Variants in NBEA observed in about 807,000 individuals in gnomAD.
The protein encoded by NBEA is lysosomal-trafficking regulator 2.
NBEA carries 44 observed loss-of-function variants against 343.4 expected under a neutral mutation model. The observed-to-expected ratio is 0.13, with a 90% CI of 0.10 to 0.16. The LOEUF is 0.16. NBEA is among the 10% of genes least tolerant of loss of function. NBEA has a pLI of 1.00. For synonymous variants in NBEA, 1,175 were observed against 1,238.7 expected (o/e 0.95, Z 1.08); for missense variants, 2,555 against 3,631.3 (o/e 0.70, Z 7.62).
chr13:35,464,322 A>G (rs1474845018), intron 40 of NBEA, among the ~76,000 whole-genome samples: 4 of 152,162 alleles, frequency 2.6e-5, no homozygotes, highest in Admixed American at 2.0e-4. Flanking sequence ...CTCTGGCCAA[A>G]CTTATTTACT....
chr13:35,364,234 G>A (rs2040977750), intron 38 of NBEA, among the ~76,000 whole-genome samples: 1 of 151,760 alleles, frequency 6.6e-6, no homozygotes, highest in Non-Finnish European at 1.5e-5. Flanking sequence ...CCCTTTCTCT[G>A]CCTATACAAC....
At chr13:35,160,982 A>G (rs1452035834) in intron 22 of NBEA, among the ~76,000 whole-genome samples, 2 of 152,168 alleles carry the variant, frequency 1.3e-5, no homozygotes, top group Non-Finnish European at 2.9e-5. Context: ...AGAGTAAACC[A>G]TGCCTGTCTT....
chr13:35,421,800 G>C (rs1050763532), intron 38 of NBEA, among the ~76,000 whole-genome samples: 1 of 152,070 alleles, frequency 6.6e-6, no homozygotes, highest in Admixed American at 6.6e-5. Flanking sequence ...ATTTGGGGTT[G>C]ACGGTTCTTC....
chr13:35,088,175 C>G (rs2064871221), intron 10 of NBEA, among the ~76,000 whole-genome samples: 1 of 151,792 alleles, frequency 6.6e-6, no homozygotes, highest in Admixed American at 6.6e-5. Flanking sequence ...GGCAAGCAAG[C>G]TGCTATGAGA....
intron 2 of NBEA, among the ~76,000 whole-genome samples, chr13:35,042,067 T>C (rs1348672573): frequency 1.3e-5 from 2 of 151,914 alleles, no homozygotes; most frequent in Admixed American, 6.6e-5. Context: ...GCTTATGCAT[T>C]TCATTATTTT....
At chr13:35,631,638 TAAAAAAAAA>T (rs59333937) in intron 49 of NBEA, among the ~76,000 whole-genome samples, 4 of 126,486 alleles carry the variant, frequency 3.2e-5, no homozygotes, top group Non-Finnish European at 6.4e-5. Flanking sequence ...GTCTCCTTTG[TAAAAAAAAA>T]AAAAAAAAAA....
At chr13:35,058,014 G>A (rs2152567123) in intron 7 of NBEA, among the ~76,000 whole-genome samples, 1 of 152,202 alleles carries the variant, frequency 6.6e-6, no homozygotes, top group Non-Finnish European at 1.5e-5. Flanking sequence ...TGTGGGGATA[G>A]GAGAAAGGAA....
intron 11 of NBEA, among the ~76,000 whole-genome samples, chr13:35,104,761 C>T (rs570065451): frequency 3.3e-5 from 5 of 151,862 alleles, no homozygotes; most frequent in African/African-American, 9.6e-5. Context: ...TACTGTTCCA[C>T]GAAAAAATTT....
At chr13:35,645,582 G>A (rs1037236144) in intron 49 of NBEA, among the ~76,000 whole-genome samples, 1 of 152,074 alleles carries the variant, frequency 6.6e-6, no homozygotes, top group Non-Finnish European at 1.5e-5. Flanking sequence ...TTAGGATACA[G>A]GAAGATTTAT....
chr13:35,335,609 A>G (rs2039204293), intron 36 of NBEA, among the ~76,000 whole-genome samples: 1 of 152,074 alleles, frequency 6.6e-6, no homozygotes, highest in Non-Finnish European at 1.5e-5. Context: ...AACTTACAGT[A>G]TTTTAGACTT....
Position 35,337,102 on chromosome 13 carries a change from GAAAT to G in NBEA, c.5904-11999_5904-11996del, listed in dbSNP as rs563673810. 1.8e-3 allele frequency among the ~76,000 whole-genome samples: 279 copies of G among 152,136 alleles called. 2 individuals carry two copies. Among genetic ancestry groups the G allele is most frequent in the Non-Finnish European group, 2.1e-3 (143 of 67,960 alleles). ...CAAAAGAAGGCAAGAAATGGAAGAA[GAAAT>G]AAATAAGACATATTGAAAACAAATA... On this transcript the variant is annotated intron_variant, in intron 36 of 58. Coordinates refer to ENST00000379939, the MANE Select transcript of NBEA (RefSeq NM_001385012.1).
At chr13:35,215,478 C>T (rs2074015802) in intron 33 of NBEA, among the ~76,000 whole-genome samples, 1 of 151,374 alleles carries the variant, frequency 6.6e-6, no homozygotes, top group South Asian at 2.1e-4. Flanking sequence ...GTGTATGATT[C>T]CATTTTTATG....
At chr13:35,588,089 G>A (rs571703668) in intron 46 of NBEA, among the ~76,000 whole-genome samples, 1 of 152,120 alleles carries the variant, frequency 6.6e-6, no homozygotes, top group South Asian at 2.1e-4. Flanking sequence ...TTTTTGGAGG[G>A]AGGGTACTGA....
chr13:35,256,361 G>T (rs150264583), intron 34 of NBEA, among the ~76,000 whole-genome samples: 202 of 152,312 alleles, frequency 1.3e-3, no homozygotes, highest in African/African-American at 4.8e-3. Flanking sequence ...TATGGGCTCA[G>T]AAGGGAGGAA....
At chr13:35,097,441 C>G (rs1017988936) in intron 10 of NBEA, among the ~76,000 whole-genome samples, 2 of 151,790 alleles carry the variant, frequency 1.3e-5, no homozygotes, top group African/African-American at 4.8e-5. Context: ...AAAATCTGGT[C>G]TATAACAATT....
At chr13:35,292,022 A>C (rs1295313414) in intron 35 of NBEA, among the ~76,000 whole-genome samples, 1 of 152,042 alleles carries the variant, frequency 6.6e-6, no homozygotes, top group East Asian at 1.9e-4. Context: ...TAAGTAACTT[A>C]AGAATATATG....
intron 1 of NBEA, among the ~76,000 whole-genome samples, chr13:34,993,820 TC>T (rs1454275446): frequency 1.3e-5 from 2 of 152,222 alleles, no homozygotes; most frequent in Admixed American, 6.5e-5. Flanking sequence ...TACATTTTTT[TC>T]CCTATTTTAG....
chr13:34,972,150 C>G (rs1257703479), intron 1 of NBEA, among the ~76,000 whole-genome samples: 1 of 151,858 alleles, frequency 6.6e-6, no homozygotes, highest in Non-Finnish European at 1.5e-5. Flanking sequence ...TAATATTCTC[C>G]GATGGTTGTT....
At chr13:35,250,507 A>T (rs1033022189) in intron 34 of NBEA, among the ~76,000 whole-genome samples, 1 of 152,238 alleles carries the variant, frequency 6.6e-6, no homozygotes, top group African/African-American at 2.4e-5. Context: ...TCCAATAAGT[A>T]TAAAATTTAT....
Sources: allele counts gnomAD v4.1 joint callset (sites outside exome capture counted in the v4.1 genomes callset), GRCh38; gene constraint gnomAD v4.1.1; transcripts MANE v1.5; gene names NCBI Gene and HGNC (gene_info 2026-07-23, HGNC 2026-07-21).